The following NIM1K variants were observed in gnomAD, a reference collection of about 807,000 sequenced individuals.
The protein encoded by NIM1K is NIM1 serine/threonine protein kinase.
A neutral mutation model predicts 37.1 loss-of-function variants in NIM1K; 35 were observed. The ratio of observed to expected loss-of-function variants is 0.94; its 90% CI spans 0.72 to 1.25. The LOEUF (loss-of-function observed/expected upper bound fraction) is 1.25, where lower values mean the gene tolerates loss of function less well. NIM1K is among the 50% of genes most tolerant of loss of function. The pLI, the probability that NIM1K is intolerant of heterozygous loss-of-function variation, is 0.00. For missense variants in NIM1K, 564 were observed against 548.0 expected (o/e 1.03, Z -0.29); for synonymous variants, 234 against 206.6 (o/e 1.13, Z -1.14).
chr5:43,264,026 G>C (rs866794294), intron 2 of NIM1K, among the ~76,000 whole-genome samples: 2 of 152,208 alleles, frequency 1.3e-5, no homozygotes, highest in African/African-American at 4.8e-5. Context: ...TTGCTGAGGA[G>C]TGCTTTACTT....
In NIM1K at chr5:43,277,259, G is replaced by A. The variant is rs780758278; in HGVS notation, c.495G>A (p.Glu165=). 1.2e-6 allele frequency: 2 copies of A among 1,613,984 alleles called. No homozygotes were observed. The highest frequency in any genetic ancestry group is 2.2e-5 in the East Asian group (1 of 44,886). The part of the protein sequence containing the change: ...GGELFGKIST[E]GKLSEPESKL... Reference sequence around the variant, plus strand: ...AGCTCTTCGGAAAAATTAGCACTGAGGGGAAGCTCTCTGAACCAGAAAGCA... The same window carrying A: ...AGCTCTTCGGAAAAATTAGCACTGAAGGGAAGCTCTCTGAACCAGAAAGCA... The change falls in exon 3 of 4, where the codon GAG becomes GAA. Residue 165 remains glutamate, a synonymous_variant. Coordinates refer to ENST00000326035, the MANE Select transcript of NIM1K (RefSeq NM_153361.4).
intron 1 of NIM1K, among the ~76,000 whole-genome samples, chr5:43,220,127 A>G (rs1399089256): frequency 6.6e-6 from 1 of 152,162 alleles, no homozygotes; most frequent in Non-Finnish European, 1.5e-5. Context: ...TTTCATATCT[A>G]AGAAACAATT....
intron 2 of NIM1K, among the ~76,000 whole-genome samples, chr5:43,271,951 C>G (rs1423083447): frequency 6.6e-6 from 1 of 152,170 alleles, no homozygotes; most frequent in Non-Finnish European, 1.5e-5. Context: ...TGGCATTTTT[C>G]ACTCACCATA....
In NIM1K at chr5:43,245,563, G is replaced by A. The variant is rs550759945; in HGVS notation, c.-213G>A. On this transcript the variant is annotated 5_prime_UTR_variant, in exon 2 of 4. Transcript: ENST00000326035. ...AGGTGGGAAATGTCTTGAGTGAGGC[G>A]AGCAGCTCCTGGCTGGGCTGGGCAG... 87 of 477,080 alleles carry A rather than the reference G, an allele frequency of 1.8e-4. No homozygotes were observed. The highest frequency in any genetic ancestry group is 2.9e-4 in the Non-Finnish European group (79 of 271,340). 29.6% of individuals were successfully genotyped at this position (477,080 alleles called of 1,614,324 possible). A position where few individuals can be genotyped will look rare whatever the true frequency, so the allele number is the denominator to read the frequency against.
At chr5:43,248,788 G>A (rs573656157) in intron 2 of NIM1K, among the ~76,000 whole-genome samples, 10 of 151,674 alleles carry the variant, frequency 6.6e-5, no homozygotes, top group African/African-American at 2.2e-4. Context: ...TGAGTCTGAA[G>A]GCCAAAAAGA....
At chr5:43,212,204 A>G (rs755890601) in intron 1 of NIM1K, among the ~76,000 whole-genome samples, 3 of 152,054 alleles carry the variant, frequency 2.0e-5, no homozygotes, top group African/African-American at 4.8e-5. Flanking sequence ...GAGGATCAAC[A>G]GGATTGGGTG....
chr5:43,205,192 G>A (rs1174268729), intron 1 of NIM1K, among the ~76,000 whole-genome samples: 1 of 152,164 alleles, frequency 6.6e-6, no homozygotes, highest in Non-Finnish European at 1.5e-5. Context: ...GTGGAATTGG[G>A]TGAAACTGGA....
intron 1 of NIM1K, among the ~76,000 whole-genome samples, chr5:43,240,594 A>G (rs1752686104): frequency 7.0e-6 from 1 of 142,388 alleles, no homozygotes. Context: ...CCCAGGCTGG[A>G]GTGCAGTGGC....
intron 1 of NIM1K, among the ~76,000 whole-genome samples, chr5:43,235,781 G>T (rs1752612168): frequency 6.6e-6 from 1 of 152,020 alleles, no homozygotes; most frequent in African/African-American, 2.4e-5. Context: ...TATCTAAGAG[G>T]GGTATAATGT....
chr5:43,249,523 G>C (rs906946930), intron 2 of NIM1K, among the ~76,000 whole-genome samples: 1 of 152,240 alleles, frequency 6.6e-6, no homozygotes, highest in Non-Finnish European at 1.5e-5. Flanking sequence ...ATTGGATGTA[G>C]AACTGAAGAT....
chr5:43,200,427 A>G (rs925757207), intron 1 of NIM1K, among the ~76,000 whole-genome samples: 1 of 152,046 alleles, frequency 6.6e-6, no homozygotes, highest in Non-Finnish European at 1.5e-5. Flanking sequence ...CAGCCTCCCG[A>G]GTAGCTAGGA....
At chr5:43,223,160 A>G (rs1333422794) in intron 1 of NIM1K, among the ~76,000 whole-genome samples, 2 of 130,430 alleles carry the variant, frequency 1.5e-5, no homozygotes, top group Non-Finnish European at 3.3e-5. Context: ...AAAAAAAAAA[A>G]GTTAGGTTGT....
intron 2 of NIM1K, among the ~76,000 whole-genome samples, chr5:43,269,565 GTTGA>G (rs956080273): frequency 4.0e-5 from 6 of 151,792 alleles, no homozygotes; most frequent in African/African-American, 1.5e-4. Context: ...TCCTCATCAT[GTTGA>G]TTATTACCTG....
chr5:43,252,536 T>G (rs1752880174), intron 2 of NIM1K, among the ~76,000 whole-genome samples: 1 of 150,136 alleles, frequency 6.7e-6, no homozygotes, highest in African/African-American at 2.5e-5. Flanking sequence ...AGAGTTTCAG[T>G]GCCAGGAGCA....
intron 2 of NIM1K, among the ~76,000 whole-genome samples, chr5:43,269,916 C>T (rs1031478995): frequency 6.6e-6 from 1 of 151,978 alleles, no homozygotes; most frequent in Admixed American, 6.6e-5. Context: ...CCGTGCCCGG[C>T]CATGTGTGTG....
At chr5:43,265,324 TC>T (rs1753126246) in intron 2 of NIM1K, among the ~76,000 whole-genome samples, 1 of 152,230 alleles carries the variant, frequency 6.6e-6, no homozygotes, top group Non-Finnish European at 1.5e-5. Flanking sequence ...TTCTTTTTAC[TC>T]TTTTTTCTCT....
chr5:43,203,447 T>C (rs1411450006), intron 1 of NIM1K, among the ~76,000 whole-genome samples: 1 of 152,206 alleles, frequency 6.6e-6, no homozygotes, highest in African/African-American at 2.4e-5. Context: ...AACGTTGAAC[T>C]GTGACGAATC....
Position 43,280,373 on chromosome 5 carries a change from A to G in NIM1K, c.955A>G (p.Ile319Val), listed in dbSNP as rs766278458. 2.5e-5 allele frequency: 40 copies of G among 1,614,112 alleles called. No individual in the cohort carries two copies. Among genetic ancestry groups the G allele is most frequent in the Non-Finnish European group, 3.2e-5 (38 of 1,180,054 alleles). The change falls in exon 4 of 4, where the codon ATC (isoleucine) becomes GTC (valine). Residue 319 changes from isoleucine (I) to valine (V), a missense_variant. Physicochemically the swap from Ile to Val is conservative, Grantham distance 29. Coordinates refer to ENST00000326035, the MANE Select transcript of NIM1K (RefSeq NM_153361.4). ...IPTERYGIDC[I>V]MNDEWMQGVP... Reference sequence around the variant, plus strand: ...CACGGAGAGGTACGGAATCGACTGCATCATGAATGATGAATGGATGCAAGG... The same window carrying G: ...CACGGAGAGGTACGGAATCGACTGCGTCATGAATGATGAATGGATGCAAGG...
intron 2 of NIM1K, 91 bp from the exon 3 acceptor site, chr5:43,276,966 C>A (rs1753350843): frequency 2.3e-6 from 3 of 1,291,228 alleles, no homozygotes; most frequent in Non-Finnish European, 3.3e-6. Flanking sequence ...CACTCTCTGT[C>A]TAGTAAAGGA....
Sources: gnomAD v4.1 joint callset for allele counts (sites outside exome capture counted in the v4.1 genomes callset) on GRCh38, gnomAD v4.1.1 for gene constraint, MANE v1.5 for transcripts, NCBI Gene and HGNC (gene_info 2026-07-23, HGNC 2026-07-21) for gene names.